Variants in CSMD1 observed in about 807,000 individuals in gnomAD.
CSMD1 encodes CUB and Sushi multiple domains 1.
In CSMD1, 213 loss-of-function variants were observed where a neutral mutation model predicts 417.5. The observed-to-expected ratio is 0.51, with a 90% confidence interval of 0.46 to 0.57. CSMD1 has a LOEUF of 0.57. CSMD1 is among the 20% of genes least tolerant of loss of function. CSMD1 has a pLI of 0.00. For missense variants in CSMD1, 6,923 were observed against 4,529.7 expected, an observed-to-expected ratio of 1.53 and a Z score of -15.17; for synonymous variants, 2,862 against 1,736.8, an observed-to-expected ratio of 1.65 and a Z score of -16.11.
chr8:3,936,758 C>A (rs904593303), intron 5 of CSMD1, among the ~76,000 whole-genome samples: 7 of 152,066 alleles, frequency 4.6e-5, no homozygotes, highest in African/African-American at 1.7e-4. Context: ...TTCTGCAGCC[C>A]AAGAAACACG....
intron 5 of CSMD1, among the ~76,000 whole-genome samples, chr8:3,983,224 G>A (rs932102819): frequency 1.3e-5 from 2 of 148,686 alleles, no homozygotes; most frequent in Non-Finnish European, 3.0e-5. Flanking sequence ...TCCACCTCCC[G>A]GGTTCACGCC....
chr8:3,092,845 T>C (rs1815038595), intron 47 of CSMD1, among the ~76,000 whole-genome samples: 1 of 152,208 alleles, frequency 6.6e-6, no homozygotes, highest in Admixed American at 6.5e-5. Context: ...TCATGGCATT[T>C]TGCATTTCAC....
intron 50 of CSMD1, among the ~76,000 whole-genome samples, chr8:3,043,361 A>T (rs1811235701): frequency 6.6e-6 from 1 of 152,098 alleles, no homozygotes; most frequent in Non-Finnish European, 1.5e-5. Context: ...TATACAGATT[A>T]TATAGTACCA....
intron 1 of CSMD1, among the ~76,000 whole-genome samples, chr8:4,881,514 G>T (rs1489794026): frequency 7.0e-6 from 1 of 142,978 alleles, no homozygotes. Flanking sequence ...GGCTCTTCCA[G>T]GTCAGAAACT....
At chr8:4,017,617 T>C (rs1415244154) in intron 4 of CSMD1, among the ~76,000 whole-genome samples, 1 of 152,180 alleles carries the variant, frequency 6.6e-6, no homozygotes, top group Non-Finnish European at 1.5e-5. Flanking sequence ...CCACCTCGTT[T>C]ATAACTCTAA....
chr8:4,230,662 C>T (rs931025863), intron 3 of CSMD1, among the ~76,000 whole-genome samples: 1 of 152,096 alleles, frequency 6.6e-6, no homozygotes, highest in African/African-American at 2.4e-5. Context: ...TAATTTTCTC[C>T]ATAAATATTA....
Position 4,628,379 on chromosome 8 carries a change from T to TAC in CSMD1, c.302+8961_302+8962dup, listed in dbSNP as rs546414504. On this transcript the variant is annotated intron_variant, in intron 2 of 69. Transcript: ENST00000635120. ...TTCTATGTATGTGTGTGTGTATATA[T>TAC]ACACACATATATATACACATATATA... is the stretch of plus-strand genomic sequence containing the variant. Among the ~76,000 whole-genome samples, 19 of 147,542 alleles carry TAC rather than the reference T, an allele frequency of 1.3e-4. No homozygotes were observed. In the South Asian group the frequency reaches 4.1e-3, roughly 31 times the overall value.
chr8:4,749,371 G>C (rs576239478), intron 1 of CSMD1, among the ~76,000 whole-genome samples: 10 of 152,342 alleles, frequency 6.6e-5, no homozygotes, highest in African/African-American at 2.4e-4. Context: ...CAGCATAGTT[G>C]CTAAGCGGTC....
intron 1 of CSMD1, among the ~76,000 whole-genome samples, chr8:4,855,805 G>T (rs1282109532): frequency 6.6e-6 from 1 of 151,848 alleles, no homozygotes; most frequent in East Asian, 1.9e-4. Flanking sequence ...ACCTGAAAGT[G>T]ATGGGGAGAA....
intron 5 of CSMD1, among the ~76,000 whole-genome samples, chr8:3,863,993 A>G (rs17067790): frequency 0.022 from 3,336 of 152,294 alleles, 107 homozygotes; most frequent in African/African-American, 0.077. Flanking sequence ...GGTTTGTAGA[A>G]AATTCATAAG....
intron 26 of CSMD1, among the ~76,000 whole-genome samples, chr8:3,252,730 C>G (rs1212244800): frequency 6.6e-6 from 1 of 152,170 alleles, no homozygotes; most frequent in Non-Finnish European, 1.5e-5. Flanking sequence ...ATTATTGCCT[C>G]AATTTCAGAG....
At chr8:4,793,210 G>C (rs965720379) in intron 1 of CSMD1, among the ~76,000 whole-genome samples, 1 of 152,006 alleles carries the variant, frequency 6.6e-6, no homozygotes, top group African/African-American at 2.4e-5. Flanking sequence ...ATTAATTGCA[G>C]CACAAGACAT....
At chr8:4,276,367 C>T (rs1044488264) in intron 3 of CSMD1, among the ~76,000 whole-genome samples, 5 of 152,164 alleles carry the variant, frequency 3.3e-5, no homozygotes, top group Non-Finnish European at 5.9e-5. Flanking sequence ...AGCAAACTAT[C>T]ACAAGAACAG....
intron 1 of CSMD1, among the ~76,000 whole-genome samples, chr8:4,806,501 T>C (rs1280575998): frequency 6.6e-6 from 1 of 152,196 alleles, no homozygotes; most frequent in African/African-American, 2.4e-5. Context: ...TACATTGCAT[T>C]CACTTCTTTC....
chr8:3,948,157 A>G (rs1811362698), intron 5 of CSMD1, among the ~76,000 whole-genome samples: 1 of 152,190 alleles, frequency 6.6e-6, no homozygotes, highest in South Asian at 2.1e-4. Context: ...GTCAGCTGAG[A>G]TTGCACCACT....
At chr8:4,322,961 G>T (rs1417711337) in intron 3 of CSMD1, among the ~76,000 whole-genome samples, 1 of 152,116 alleles carries the variant, frequency 6.6e-6, no homozygotes, top group Non-Finnish European at 1.5e-5. Context: ...ACCCAGCCTG[G>T]GTGACAGAGC....
intron 1 of CSMD1, among the ~76,000 whole-genome samples, chr8:4,987,571 G>GT (rs1811245222): frequency 6.6e-6 from 1 of 151,954 alleles, no homozygotes; most frequent in South Asian, 2.1e-4. Context: ...ACGCCAAAAA[G>GT]TAAAAAATAA....
intron 5 of CSMD1, among the ~76,000 whole-genome samples, chr8:3,882,123 GA>G (rs1159042697): frequency 4.0e-5 from 6 of 151,698 alleles, no homozygotes; most frequent in African/African-American, 1.5e-4. Flanking sequence ...CAGAAAGTGA[GA>G]AAAAATCATC....
At chr8:4,486,224 TACATAC>T (rs1455168933) in intron 2 of CSMD1, among the ~76,000 whole-genome samples, 2 of 13,582 alleles carry the variant, frequency 1.5e-4, no homozygotes, top group East Asian at 2.4e-3. Context: ...TATATATATA[TACATAC>T]ATATATATAT....
Sources: allele counts gnomAD v4.1 joint callset (sites outside exome capture counted in the v4.1 genomes callset), GRCh38; gene constraint gnomAD v4.1.1; transcripts MANE v1.5; gene names NCBI Gene and HGNC (gene_info 2026-07-23, HGNC 2026-07-21).